PDRG1: variants seen among roughly 807,000 people sequenced by gnomAD.
PDRG1 encodes p53 and DNA damage-regulated protein 1.
PDRG1 carries 14 observed loss-of-function variants against 18.4 expected under a neutral mutation model. That is an observed-to-expected ratio of 0.76 (90% confidence interval 0.50 to 1.19). The LOEUF (loss-of-function observed/expected upper bound fraction) is 1.19. Ranked by LOEUF, PDRG1 falls within the 50% of genes most tolerant of loss-of-function variation. The pLI, the probability that PDRG1 is intolerant of heterozygous loss-of-function variation, is 0.00. For synonymous variants in PDRG1, 65 were observed against 60.9 expected (o/e 1.07, Z -0.31); for missense variants, 177 against 160.1 (o/e 1.11, Z -0.57).
intron 3 of PDRG1, 70 bp from the exon 4 acceptor site, chr20:31,946,646 G>C: frequency 1.5e-6 from 2 of 1,364,974 alleles, no homozygotes. Flanking sequence ...TAGTGGAGAG[G>C]CCAGCCTCTC....
At position 31,946,640 on chromosome 20, in the gene PDRG1, GGA is replaced by G. The variant is rs924341564; in HGVS notation, c.239-66_239-65del. ...ACCAGACAGACTTGATCCCAGTAGT[GGA>G]GAGGCCAGCCTCTCCCCAGCAAGGG... On this transcript the variant is annotated intron_variant, in intron 3 of 4. Coordinates refer to ENST00000202017, the MANE Select transcript of PDRG1 (RefSeq NM_030815.3). 8.4e-6 allele frequency: 12 copies of G among 1,422,100 alleles called. No individual in the cohort carries two copies. In the Admixed American group the frequency reaches 2.0e-4, roughly 24 times the overall value. The allele number at this position is 1,422,100 out of a possible 1,614,324, so 88.1% of individuals were successfully genotyped here.
chr20:31,951,978 G>C lies in PDRG1; in HGVS notation c.-17C>G, dbSNP rs374843473. The C allele has an allele frequency of 3.0e-5, 46 of 1,540,214 alleles. 1 individual carries two copies. The highest frequency in any genetic ancestry group is 4.2e-5 in the Admixed American group (2 of 48,130). On this transcript the variant is annotated 5_prime_UTR_variant, in exon 1 of 5. Transcript: ENST00000202017. Reference sequence around the variant, plus strand: ...TGATAGCATAGCGCCCACCAACTCCGCTTGCGGCTCTCGCGCGACCCCGGG... The same window carrying C: ...TGATAGCATAGCGCCCACCAACTCCCCTTGCGGCTCTCGCGCGACCCCGGG...
chr20:31,949,657 T>C (rs1208683026), intron 2 of PDRG1, among the ~76,000 whole-genome samples: 1 of 151,570 alleles, frequency 6.6e-6, no homozygotes, highest in African/African-American at 2.4e-5. Flanking sequence ...GGAGTAGAGA[T>C]GATATTGGCA....
Position 31,945,730 on chromosome 20 carries a change from C to G in PDRG1, c.*77G>C. Reference sequence around the variant, plus strand: ...CCTTACAGGGCAGATCCTGTCCTTACAGGTGTCAAGGTTGGAGGGTCCTGG... The same window carrying G: ...CCTTACAGGGCAGATCCTGTCCTTAGAGGTGTCAAGGTTGGAGGGTCCTGG... On this transcript the variant is annotated 3_prime_UTR_variant, in exon 5 of 5. Transcript: ENST00000202017. The G allele has an allele frequency of 8.4e-7, 1 of 1,187,832 alleles. No homozygotes were observed. The highest frequency in any genetic ancestry group is 1.2e-6 in the Non-Finnish European group (1 of 815,716). The allele number at this position is 1,187,832 out of a possible 1,614,324, so 73.6% of individuals were successfully genotyped here. A position where few individuals can be genotyped will look rare whatever the true frequency, so the allele number is the denominator to read the frequency against.
intron 1 of PDRG1, among the ~76,000 whole-genome samples, chr20:31,950,650 G>A (rs1182235186): frequency 1.3e-5 from 2 of 152,116 alleles, no homozygotes; most frequent in Admixed American, 1.3e-4. Context: ...TTATCCACTC[G>A]AACTTTAGGG....
rs1277819337 is a variant in PDRG1, at chr20:31,945,397, T to G, written c.*410A>C. On this transcript the variant is annotated 3_prime_UTR_variant, in exon 5 of 5. Transcript: ENST00000202017. ...ATCGCATGGCACCAGCCTGAAAACC[T>G]CTCTCCCTTCTGAGAGGAATGCTGG... The G allele has an allele frequency of 6.2e-6, 1 of 160,444 alleles. No individual in the cohort carries two copies. Among genetic ancestry groups the G allele is most frequent in the African/African-American group, 2.4e-5 (1 of 41,588 alleles). The allele number at this position is 160,444 out of a possible 1,614,324, so 9.9% of individuals were successfully genotyped here. A position where few individuals can be genotyped will look rare whatever the true frequency, so the allele number is the denominator to read the frequency against.
intron 4 of PDRG1, among the ~76,000 whole-genome samples, 190 bp from the exon 5 acceptor site, chr20:31,946,079 C>T (rs1170780147): frequency 6.6e-6 from 1 of 152,178 alleles, no homozygotes; most frequent in Non-Finnish European, 1.5e-5. Flanking sequence ...AGCCTGCAAA[C>T]GCGTAACTCT....
chr20:31,947,867 G>C (rs960511909), intron 3 of PDRG1, among the ~76,000 whole-genome samples: 5 of 151,894 alleles, frequency 3.3e-5, no homozygotes, highest in African/African-American at 1.2e-4. Flanking sequence ...TCCAGCCTGG[G>C]TGACAGAGCA....
rs1291115188 is a variant in PDRG1, at chr20:31,945,435, C to A, written c.*372G>T. On this transcript the variant is annotated 3_prime_UTR_variant, in exon 5 of 5. Coordinates refer to ENST00000202017, the MANE Select transcript of PDRG1 (RefSeq NM_030815.3). ...AGAGGAATGCTGGAATGACACTCCA[C>A]TCTGCCCCTCCCTCCCTCCTTCCTT... 5.6e-6 allele frequency: 1 copy of A among 178,382 alleles called. No homozygotes were observed. Among genetic ancestry groups the A allele is most frequent in the African/African-American group, 2.4e-5 (1 of 42,228 alleles). The allele number at this position is 178,382 out of a possible 1,614,324, so 11.0% of individuals were successfully genotyped here. A position where few individuals can be genotyped will look rare whatever the true frequency, so the allele number is the denominator to read the frequency against.
chr20:31,949,902 A>G (rs905972200), intron 2 of PDRG1, among the ~76,000 whole-genome samples: 4 of 152,148 alleles, frequency 2.6e-5, no homozygotes, highest in Non-Finnish European at 5.9e-5. Flanking sequence ...CCTCATCTAA[A>G]GTGTCCCATT....
chr20:31,946,808 T>C (rs1049633376), intron 3 of PDRG1, among the ~76,000 whole-genome samples: 1 of 152,250 alleles, frequency 6.6e-6, no homozygotes, highest in African/African-American at 2.4e-5. Context: ...TGGCCTTTTC[T>C]GCATTATGCA....
Position 31,951,908 on chromosome 20 carries a change from C to A in PDRG1, c.54G>T (p.Glu18Asp), listed in dbSNP as rs763636608. Residue 18 changes from glutamate to aspartate, a missense_variant, in exon 1 of 5, where the codon GAG becomes GAT. Glu to Asp is a conservative substitution (Grantham distance 45). Transcript: ENST00000202017. ...RVLRYLVEVE[E>D]LAEEVLADKR... ...TGTCCGCCAGCACCTCCTCGGCGAG[C>A]TCCTCCACTTCTACAAGGTACCGCA... 1 of 1,593,196 alleles carries A rather than the reference C, an allele frequency of 6.3e-7. No homozygotes were observed. The highest frequency in any genetic ancestry group is 2.3e-5 in the East Asian group (1 of 43,000).
intron 2 of PDRG1, among the ~76,000 whole-genome samples, chr20:31,950,100 C>G (rs2064342897): frequency 6.6e-6 from 1 of 152,236 alleles, no homozygotes; most frequent in Non-Finnish European, 1.5e-5. Context: ...AGCTAACGAC[C>G]TGTCACTGAA....
intron 4 of PDRG1, 45 bp from the exon 5 acceptor site, chr20:31,945,934 C>T: frequency 6.5e-7 from 1 of 1,531,920 alleles, no homozygotes; most frequent in Non-Finnish European, 9.0e-7. Context: ...CTCCTGCTGG[C>T]TCTGGAGCCA....
rs910179757 is a variant in PDRG1 at position 31,946,567 on chromosome 20, T to A, written c.248A>T (p.His83Leu). Residue 83 changes from histidine (H) to leucine (L), a missense_variant, in exon 4 of 5, where the codon CAT becomes CTT. Coordinates refer to ENST00000202017, the MANE Select transcript of PDRG1 (RefSeq NM_030815.3). ...CAGTTTTTCTATTTCTTTATCCAGA[T>A]GATCTTGATCTGAAAAAATGAGGGG... Reference protein sequence around the residue: ...TKEMIEKDQDHLDKEIEKLRK... With the variant: ...TKEMIEKDQDLLDKEIEKLRK... The A allele has an allele frequency of 6.2e-7, 1 of 1,611,700 alleles. No individual in the cohort carries two copies. The highest frequency in any genetic ancestry group is 1.3e-5 in the African/African-American group (1 of 74,976).
Position 31,950,383 on chromosome 20 carries a change from A to G in PDRG1, c.92T>C (p.Val31Ala), listed in dbSNP as rs139473332. Residue 31 changes from valine (V) to alanine (A), a missense_variant, in exon 2 of 5, where the codon GTG becomes GCG. Val to Ala is a moderately conservative substitution (Grantham distance 64). Transcript: ENST00000202017. ...EEVLADKRQI[V>A]DLDTKRNQNR... ...CTGATTCCTTTTAGTGTCCAGGTCC[A>G]CAATCTGAAAACCACAGGGACAGGA... is the stretch of plus-strand genomic sequence containing the variant. The G allele has an allele frequency of 1.9e-4, 306 of 1,610,880 alleles. 2 individuals are homozygous for G. In the African/African-American group the frequency reaches 3.4e-3, roughly 18 times the overall value.
At chr20:31,948,270 T>C (rs1365279054) in intron 3 of PDRG1, among the ~76,000 whole-genome samples, 1 of 152,224 alleles carries the variant, frequency 6.6e-6, no homozygotes, top group East Asian at 1.9e-4. Flanking sequence ...AATGAGATGT[T>C]GGCAGGAAGT....
chr20:31,951,743 G>T, intron 1 of PDRG1, 132 bp downstream of exon 1: 1 of 923,714 alleles, frequency 1.1e-6, no homozygotes, highest in Non-Finnish European at 1.6e-6. Flanking sequence ...CTTAGTAGCG[G>T]CCGAATATTT....
At chr20:31,950,988 G>C (rs2123681781) in intron 1 of PDRG1, among the ~76,000 whole-genome samples, 1 of 152,310 alleles carries the variant, frequency 6.6e-6, no homozygotes, top group Middle Eastern at 3.4e-3. Flanking sequence ...GCTACGGACA[G>C]TACCTACCTT....
Sources: gnomAD v4.1 joint callset for allele counts (sites outside exome capture counted in the v4.1 genomes callset) on GRCh38, gnomAD v4.1.1 for gene constraint, MANE v1.5 for transcripts, NCBI Gene and HGNC (gene_info 2026-07-23, HGNC 2026-07-21) for gene names.